FGD6: variants seen among roughly 807,000 people sequenced by gnomAD.
The protein encoded by FGD6 is FYVE, RhoGEF and PH domain containing 6.
In FGD6, 90 loss-of-function variants were observed where a neutral mutation model predicts 149.4. That is an observed-to-expected ratio of 0.60 (90% CI 0.51 to 0.72). The LOEUF (loss-of-function observed/expected upper bound fraction) is 0.72. FGD6 is among the 30% of genes least tolerant of loss of function. FGD6 has a pLI of 0.00. For missense variants in FGD6, 1,437 were observed against 1,684.8 expected (o/e 0.85, Z 2.57); for synonymous variants, 527 against 584.0 (o/e 0.90, Z 1.41).
chr12:95,122,574 A>G (rs1409407915), intron 8 of FGD6, among the ~76,000 whole-genome samples: 2 of 130,650 alleles, frequency 1.5e-5, no homozygotes, highest in Admixed American at 9.5e-5. Context: ...TGAATCCAGG[A>G]GGCAGAGGTT....
rs143722983 is a variant in FGD6 at position 95,164,521 on chromosome 12, C to T, written c.2586+8079G>A. On this transcript the variant is annotated intron_variant, in intron 3 of 20. Transcript: ENST00000343958. ...TCTCAGCTCACTGCAACCTCCACCT[C>T]CCGGGTTCAAGCAATTCTCCTGCTT... Among the ~76,000 whole-genome samples, 89 of 152,214 alleles carry T rather than the reference C, an allele frequency of 5.8e-4. 1 individual carries two copies. The East Asian group carries it at 0.016, about 28-fold the overall frequency.
At chr12:95,081,715 G>A (rs1337056283) in intron 20 of FGD6, among the ~76,000 whole-genome samples, 159 bp from the exon 21 acceptor site, 1 of 118,706 alleles carries the variant, frequency 8.4e-6, no homozygotes, top group African/African-American at 3.2e-5. Flanking sequence ...ACAGAGTTTT[G>A]CTCTCGTTGC....
rs1877507141 is a variant in FGD6 at position 95,076,806 on chromosome 12, T to G, written c.*4714A>C. The G allele has an allele frequency of 1.0e-5, 1 of 100,286 alleles. No individual in the cohort carries two copies. Among genetic ancestry groups the G allele is most frequent in the South Asian group, 3.7e-4 (1 of 2,736 alleles). 6.2% of individuals were successfully genotyped at this position (100,286 alleles called of 1,614,324 possible). ...ATATTAACATTATTTACAATGCTAA[T>G]TTTTTTATTTATAAAGTATATATGG... On this transcript the variant is annotated 3_prime_UTR_variant, in exon 21 of 21. Coordinates refer to ENST00000343958, the MANE Select transcript of FGD6 (RefSeq NM_018351.4).
At chr12:95,179,694 T>G (rs976442324) in intron 2 of FGD6, among the ~76,000 whole-genome samples, 4 of 152,104 alleles carry the variant, frequency 2.6e-5, no homozygotes, top group African/African-American at 9.7e-5. Context: ...TCATTAAGAT[T>G]TAACATAAAG....
chr12:95,169,096 A>G, intron 3 of FGD6, among the ~76,000 whole-genome samples: 1 of 152,220 alleles, frequency 6.6e-6, no homozygotes, highest in East Asian at 1.9e-4. Context: ...AATTATTAGT[A>G]CTAGTGGCAT....
At chr12:95,094,918 T>G (rs903609131) in intron 14 of FGD6, among the ~76,000 whole-genome samples, 14 of 152,222 alleles carry the variant, frequency 9.2e-5, no homozygotes, top group African/African-American at 3.4e-4. Flanking sequence ...ATTTTTTCTT[T>G]CCAAAAGTTC....
chr12:95,215,402 C>G (rs946801381), intron 1 of FGD6, among the ~76,000 whole-genome samples: 1 of 152,194 alleles, frequency 6.6e-6, no homozygotes, highest in African/African-American at 2.4e-5. Context: ...ATGAATTTGA[C>G]TATTGTTCCC....
chr12:95,199,709 A>G (rs1881821540), intron 2 of FGD6, among the ~76,000 whole-genome samples: 1 of 150,926 alleles, frequency 6.6e-6, no homozygotes, highest in South Asian at 2.1e-4. Flanking sequence ...TGTTCAAGCA[A>G]TTCTCCTGCC....
intron 14 of FGD6, among the ~76,000 whole-genome samples, chr12:95,096,715 T>A (rs992692633): frequency 1.1e-4 from 16 of 152,318 alleles, no homozygotes; most frequent in African/African-American, 3.1e-4. Context: ...AAACTGAGAA[T>A]TAGTAATGTT....
At chr12:95,129,311 G>C (rs9919775) in intron 8 of FGD6, among the ~76,000 whole-genome samples, 52,379 of 104,572 alleles carry the variant, frequency 0.5, 9,798 homozygotes, top group Admixed American at 0.54. Context: ...ATGCATGCAT[G>C]CATCCATCCA....
chr12:95,097,434 G>A (rs1233770377), intron 14 of FGD6, among the ~76,000 whole-genome samples: 7 of 151,902 alleles, frequency 4.6e-5, no homozygotes, highest in Non-Finnish European at 7.4e-5. Context: ...TCAGGAGTTC[G>A]AGACCAGCCT....
intron 2 of FGD6, among the ~76,000 whole-genome samples, chr12:95,179,159 CAAGT>C (rs1487528459): frequency 6.6e-6 from 1 of 152,070 alleles, no homozygotes; most frequent in Non-Finnish European, 1.5e-5. Context: ...CACCTTCCCC[CAAGT>C]AATTACGAGG....
At chr12:95,159,072 T>C (rs996339253) in intron 3 of FGD6, among the ~76,000 whole-genome samples, 1 of 152,144 alleles carries the variant, frequency 6.6e-6, no homozygotes, top group Non-Finnish European at 1.5e-5. Flanking sequence ...ATTTGACTAC[T>C]GGAGTCAGCT....
chr12:95,077,318 G>T lies in FGD6; in HGVS notation c.*4202C>A, dbSNP rs1250840306. The stretch of plus-strand genomic sequence containing the variant: ...GTGCTAAGCATCATGCAAAAGATAT[G>T]AACTGAAGGCTGTGTCGGGGCTGCA... On this transcript the variant is annotated 3_prime_UTR_variant, in exon 21 of 21. Transcript: ENST00000343958. 6.6e-6 allele frequency: 1 copy of T among 152,308 alleles called. No individual in the cohort carries two copies. Among genetic ancestry groups the T allele is most frequent in the Non-Finnish European group, 1.5e-5 (1 of 68,118 alleles). The allele number at this position is 152,308 out of a possible 1,614,324, so 9.4% of individuals were successfully genotyped here. A position where few individuals can be genotyped will look rare whatever the true frequency, so the allele number is the denominator to read the frequency against.
intron 5 of FGD6, 116 bp from the exon 6 acceptor site, chr12:95,141,655 T>C: frequency 3.4e-6 from 4 of 1,180,742 alleles, no homozygotes; most frequent in South Asian, 1.7e-5. Context: ...GTATTTCTCA[T>C]GCAGAATTAC....
intron 5 of FGD6, among the ~76,000 whole-genome samples, chr12:95,150,398 G>A (rs1880275582): frequency 1.3e-5 from 1 of 78,404 alleles, no homozygotes; most frequent in East Asian, 3.3e-4. Flanking sequence ...ACTAAGGCTA[G>A]CTCCCATCAG....
At chr12:95,167,827 G>T (rs565308081) in intron 3 of FGD6, among the ~76,000 whole-genome samples, 2 of 151,860 alleles carry the variant, frequency 1.3e-5, no homozygotes, top group Non-Finnish European at 2.9e-5. Flanking sequence ...TGCCCGCCTC[G>T]ACCTCCCAAA....
intron 20 of FGD6, among the ~76,000 whole-genome samples, chr12:95,083,012 A>AAAAAAAAATATAT (rs68032073): frequency 5.0e-5 from 1 of 20,018 alleles, no homozygotes; most frequent in Non-Finnish European, 8.3e-5. Flanking sequence ...AAAAAAAAAA[A>AAAAAAAAATATAT]ATATATATAT....
At chr12:95,159,612 C>T (rs1880579282) in intron 3 of FGD6, among the ~76,000 whole-genome samples, 4 of 152,134 alleles carry the variant, frequency 2.6e-5, no homozygotes, top group Admixed American at 2.6e-4. Flanking sequence ...CCAAGGCAGG[C>T]AGATTGCTTG....
Sources: gnomAD v4.1 joint callset for allele counts (sites outside exome capture counted in the v4.1 genomes callset) on GRCh38, gnomAD v4.1.1 for gene constraint, MANE v1.5 for transcripts, NCBI Gene and HGNC (gene_info 2026-07-23, HGNC 2026-07-21) for gene names.